The following SORBS2 variants were observed in gnomAD, a reference collection of about 807,000 sequenced individuals.
SORBS2 encodes the protein sorbin and SH3 domain containing 2.
In SORBS2, 46 loss-of-function variants were observed where a neutral mutation model predicts 97.7. That is an observed-to-expected ratio of 0.47 (90% CI 0.37 to 0.60). The LOEUF (loss-of-function observed/expected upper bound fraction) is 0.60, where lower values mean the gene tolerates loss of function less well. Among genes scored for constraint, SORBS2 ranks in the 20% least tolerant of loss-of-function variants. SORBS2 has a pLI of 0.00. For synonymous variants in SORBS2, 476 were observed against 473.4 expected (o/e 1.01, Z -0.07); for missense variants, 1,316 against 1,282.3 (o/e 1.03, Z -0.40).
At chr4:185,889,570 G>A (rs1182145245) in intron 1 of SORBS2, among the ~76,000 whole-genome samples, 1 of 151,996 alleles carries the variant, frequency 6.6e-6, no homozygotes, top group Non-Finnish European at 1.5e-5. Context: ...GATTCAAAAT[G>A]TTTAAAATCG....
intron 13 of SORBS2, among the ~76,000 whole-genome samples, chr4:185,590,580 A>G (rs1015265541): frequency 6.6e-6 from 1 of 152,208 alleles, no homozygotes; most frequent in African/African-American, 2.4e-5. Flanking sequence ...CTCTCTCTTG[A>G]AATAATTTTA....
At chr4:185,948,945 C>T (rs1370885986) in intron 1 of SORBS2, among the ~76,000 whole-genome samples, 1 of 151,384 alleles carries the variant, frequency 6.6e-6, no homozygotes, top group Non-Finnish European at 1.5e-5. Flanking sequence ...TTTAAAACAC[C>T]TAAAAGAGCT....
intron 1 of SORBS2, among the ~76,000 whole-genome samples, chr4:185,857,133 T>A (rs1369750026): frequency 6.6e-6 from 1 of 152,218 alleles, no homozygotes. Flanking sequence ...TGGTGGCTGT[T>A]GCAGGAAGTC....
intron 4 of SORBS2, chr4:185,665,802 G>A: frequency 9.0e-7 from 1 of 1,109,902 alleles, no homozygotes; most frequent in Non-Finnish European, 1.1e-6. Context: ...AGGTGGGGGA[G>A]GGTGTCTCAG....
chr4:185,724,501 C>T (rs1036001998), intron 2 of SORBS2, among the ~76,000 whole-genome samples: 6 of 152,064 alleles, frequency 3.9e-5, no homozygotes, highest in African/African-American at 1.2e-4. Context: ...TTGAGAACTC[C>T]GGTGGGTGTT....
rs527321618 is a variant in SORBS2, at chr4:185,920,315, G to A, written c.-338+35881C>T. On this transcript the variant is annotated intron_variant, in intron 1 of 20. Transcript: ENST00000284776. ...GACGCCAGCAGCAGATCAATTTACC[G>A]TAGCACAAGGTGTCTCTGTCCCAAG... is the stretch of plus-strand genomic sequence containing the variant. 1.6e-4 allele frequency among the ~76,000 whole-genome samples: 25 copies of A among 152,236 alleles called. 1 individual carries two copies. Among genetic ancestry groups the A allele is most frequent in the South Asian group, 1.2e-3 (6 of 4,826 alleles).
At chr4:185,916,906 C>T (rs1401675353) in intron 1 of SORBS2, among the ~76,000 whole-genome samples, 2 of 152,230 alleles carry the variant, frequency 1.3e-5, no homozygotes, top group Non-Finnish European at 2.9e-5. Context: ...TCATGGCTGG[C>T]AGCTCCCAGG....
chr4:185,949,980 A>G (rs7656317), intron 1 of SORBS2, among the ~76,000 whole-genome samples: 54,414 of 151,990 alleles, frequency 0.36, 10,018 homozygotes, highest in East Asian at 0.59. Flanking sequence ...GAGGCCAGAC[A>G]CAGTGGCTCA....
At chr4:185,588,147 G>A (rs1462014647) in intron 14 of SORBS2, 1 of 157,790 alleles carries the variant, frequency 6.3e-6, no homozygotes, top group African/African-American at 2.4e-5. Flanking sequence ...TCTGTGGCAG[G>A]CTGTCGCTGT....
chr4:185,648,844 G>A (rs967988751), intron 3 of SORBS2, among the ~76,000 whole-genome samples: 1 of 152,140 alleles, frequency 6.6e-6, no homozygotes, highest in Non-Finnish European at 1.5e-5. Flanking sequence ...AAAGCACTTA[G>A]CCTAGTGCTT....
intron 4 of SORBS2, among the ~76,000 whole-genome samples, chr4:185,671,864 G>T (rs777018295): frequency 2.6e-5 from 4 of 152,232 alleles, no homozygotes; most frequent in South Asian, 4.1e-4. Flanking sequence ...TTCATTAAGT[G>T]TATTCAGAAA....
intron 2 of SORBS2, among the ~76,000 whole-genome samples, chr4:185,717,409 G>T (rs2153556268): frequency 6.6e-6 from 1 of 152,330 alleles, no homozygotes; most frequent in South Asian, 2.1e-4. Context: ...GCAGAAACAT[G>T]GCAACTATTA....
intron 1 of SORBS2, among the ~76,000 whole-genome samples, chr4:185,785,298 G>C (rs1475015728): frequency 2.0e-5 from 3 of 152,090 alleles, no homozygotes; most frequent in Non-Finnish European, 1.5e-5. Context: ...TAATGGAGGG[G>C]AAGGTAGGTT....
chr4:185,927,830 G>C (rs1219220247), intron 1 of SORBS2, among the ~76,000 whole-genome samples: 1 of 151,978 alleles, frequency 6.6e-6, no homozygotes, highest in African/African-American at 2.4e-5. Context: ...GCCCTTATAG[G>C]TACTGTTGTT....
intron 2 of SORBS2, among the ~76,000 whole-genome samples, chr4:185,761,007 A>T (rs186362152): frequency 1.3e-5 from 2 of 152,360 alleles, no homozygotes; most frequent in East Asian, 3.9e-4. Flanking sequence ...ATTCATTCAG[A>T]CACACATATA....
chr4:185,812,288 C>A (rs1302103639), intron 1 of SORBS2, 94 bp from the exon 1 acceptor site: 3 of 152,242 alleles, frequency 2.0e-5, no homozygotes, highest in Non-Finnish European at 4.4e-5. Context: ...GCCATAGCAA[C>A]AACCAACAGA....
chr4:185,948,363 A>C (rs77520267), intron 1 of SORBS2, among the ~76,000 whole-genome samples: 1 of 152,118 alleles, frequency 6.6e-6, no homozygotes, highest in African/African-American at 2.4e-5. Flanking sequence ...CCTAATATAC[A>C]TTAGCCCTCC....
At chr4:185,862,133 A>G (rs947149314) in intron 1 of SORBS2, among the ~76,000 whole-genome samples, 3 of 152,148 alleles carry the variant, frequency 2.0e-5, no homozygotes, top group Admixed American at 6.5e-5. Flanking sequence ...CAGTGTATGT[A>G]TATGTGTGTG....
chr4:185,793,526 C>T lies in SORBS2; in HGVS notation c.-337-18160G>A, dbSNP rs548770381. 6.4e-4 allele frequency among the ~76,000 whole-genome samples: 97 copies of T among 152,280 alleles called. 2 individuals carry two copies. In the South Asian group the frequency reaches 7.0e-3, roughly 11 times the overall value. On this transcript the variant is annotated intron_variant, in intron 1 of 20. Coordinates refer to the SORBS2 transcript ENST00000284776. The stretch of plus-strand genomic sequence containing the variant: ...CAACAGTTAAAGAACAACATGATCA[C>T]GGAAAGTCAAATGGATTGTATATTA...
Sources: allele counts gnomAD v4.1 joint callset (sites outside exome capture counted in the v4.1 genomes callset), GRCh38; gene constraint gnomAD v4.1.1; transcripts MANE v1.5; gene names NCBI Gene and HGNC (gene_info 2026-07-23, HGNC 2026-07-21).